Variants in TCF7L2 observed in about 807,000 individuals in gnomAD.
TCF7L2 encodes the protein transcription factor 7-like 2.
In TCF7L2, 23 loss-of-function variants were observed where a neutral mutation model predicts 77.9. The ratio of observed to expected loss-of-function variants is 0.30; its 90% CI spans 0.21 to 0.42. TCF7L2 has a LOEUF of 0.42. Among genes scored for constraint, TCF7L2 ranks in the 10% least tolerant of loss-of-function variants. The pLI, the probability that TCF7L2 is intolerant of heterozygous loss-of-function variation, is 1.00. For missense variants in TCF7L2, 654 were observed against 793.1 expected (o/e 0.82, Z 2.11); for synonymous variants, 413 against 340.2 (o/e 1.21, Z -2.36).
At chr10:113,096,272 G>T (rs1196476654) in intron 5 of TCF7L2, among the ~76,000 whole-genome samples, 4 of 152,306 alleles carry the variant, frequency 2.6e-5, no homozygotes. Context: ...CAGCAAGGTA[G>T]ATGTTTGGAA....
At chr10:113,063,967 A>G (rs2056891521) in intron 5 of TCF7L2, among the ~76,000 whole-genome samples, 2 of 151,718 alleles carry the variant, frequency 1.3e-5, no homozygotes, top group African/African-American at 4.8e-5. Context: ...AAGCAGATTC[A>G]AGGAGGTTCC....
At chr10:113,157,837 T>G in intron 11 of TCF7L2, 184 bp from the exon 12 acceptor site, 1 of 582,724 alleles carries the variant, frequency 1.7e-6, no homozygotes, top group Non-Finnish European at 3.1e-6. Flanking sequence ...TCCCTCCAGC[T>G]GGGGTACAAT....
intron 4 of TCF7L2, among the ~76,000 whole-genome samples, chr10:112,977,445 G>A (rs2039627707): frequency 6.6e-6 from 1 of 152,230 alleles, no homozygotes; most frequent in South Asian, 2.1e-4. Flanking sequence ...GAGCCAGGCT[G>A]CTGGGAGCAG....
intron 4 of TCF7L2, among the ~76,000 whole-genome samples, chr10:113,020,124 A>T (rs1401083790): frequency 1.3e-5 from 2 of 152,120 alleles, no homozygotes; most frequent in Admixed American, 1.3e-4. Context: ...GTGTTGTTTT[A>T]ATTAATGAAT....
At chr10:113,093,820 G>C (rs1022475723) in intron 5 of TCF7L2, among the ~76,000 whole-genome samples, 6 of 152,202 alleles carry the variant, frequency 3.9e-5, no homozygotes, top group Non-Finnish European at 7.3e-5. Flanking sequence ...ATTCAGATAA[G>C]AAGAAAGAGT....
chr10:112,955,817 C>T (rs1408436413), intron 3 of TCF7L2, among the ~76,000 whole-genome samples: 2 of 152,026 alleles, frequency 1.3e-5, no homozygotes, highest in African/African-American at 2.4e-5. Context: ...CGTGCTGGAT[C>T]GCTGCAGTTC....
intron 5 of TCF7L2, among the ~76,000 whole-genome samples, chr10:113,049,916 C>G (rs960344712): frequency 6.6e-6 from 1 of 152,112 alleles, no homozygotes; most frequent in Admixed American, 6.5e-5. Flanking sequence ...AGCAAGTCCC[C>G]GTTCATCAGA....
chr10:113,149,067 G>A (rs2070157589), intron 8 of TCF7L2, among the ~76,000 whole-genome samples: 1 of 152,128 alleles, frequency 6.6e-6, no homozygotes, highest in South Asian at 2.1e-4. Flanking sequence ...TGTATTTGAG[G>A]AATGTCAGGC....
At chr10:113,024,674 C>G (rs1590640311) in intron 4 of TCF7L2, among the ~76,000 whole-genome samples, 1 of 139,452 alleles carries the variant, frequency 7.2e-6, no homozygotes, top group Non-Finnish European at 1.5e-5. Context: ...GGCTGGAATG[C>G]AGTGGTGTGA....
At chr10:112,954,057 A>G (rs956275981) in intron 3 of TCF7L2, among the ~76,000 whole-genome samples, 1 of 152,210 alleles carries the variant, frequency 6.6e-6, no homozygotes, top group African/African-American at 2.4e-5. Flanking sequence ...GTTGTGTGTC[A>G]TTCCTGACGT....
At chr10:112,990,420 C>T (rs2042316176) in intron 4 of TCF7L2, among the ~76,000 whole-genome samples, 1 of 152,132 alleles carries the variant, frequency 6.6e-6, no homozygotes, top group South Asian at 2.1e-4. Flanking sequence ...AAAAAATTAG[C>T]TAGTTGGCCA....
At chr10:113,039,270 G>GT (rs1414462051) in intron 4 of TCF7L2, among the ~76,000 whole-genome samples, 1 of 152,220 alleles carries the variant, frequency 6.6e-6, no homozygotes, top group South Asian at 2.1e-4. Flanking sequence ...TTTGACAGAA[G>GT]TAGCTCCCTT....
At chr10:113,155,438 TC>T (rs2071663006) in intron 11 of TCF7L2, among the ~76,000 whole-genome samples, 1 of 152,200 alleles carries the variant, frequency 6.6e-6, no homozygotes. Flanking sequence ...TGCATCTTCC[TC>T]TTCACTAAGT....
chr10:112,980,321 G>A (rs1265665939), intron 4 of TCF7L2, among the ~76,000 whole-genome samples: 1 of 152,326 alleles, frequency 6.6e-6, no homozygotes, highest in African/African-American at 2.4e-5. Flanking sequence ...TGATGTAATA[G>A]CAAAGCTGAA....
intron 5 of TCF7L2, among the ~76,000 whole-genome samples, chr10:113,049,014 CTG>C (rs1356221600): frequency 6.6e-6 from 1 of 152,182 alleles, no homozygotes. Flanking sequence ...TTGAGGTGTA[CTG>C]GAAACTAAGG....
At chr10:113,051,232 CACACACACACAG>C (rs951934547) in intron 5 of TCF7L2, among the ~76,000 whole-genome samples, 5 of 148,892 alleles carry the variant, frequency 3.4e-5, no homozygotes, top group South Asian at 2.2e-4. Flanking sequence ...CACACACACA[CACACACACACAG>C]ACACATACAT....
chr10:113,075,810 C>G (rs1399783715), intron 5 of TCF7L2, among the ~76,000 whole-genome samples: 2 of 152,078 alleles, frequency 1.3e-5, no homozygotes. Flanking sequence ...TTCCACTTAC[C>G]TAATAGTTTT....
At chr10:112,974,504 C>T (rs1200743079) in intron 4 of TCF7L2, among the ~76,000 whole-genome samples, 6 of 152,156 alleles carry the variant, frequency 3.9e-5, no homozygotes, top group African/African-American at 7.2e-5. Flanking sequence ...AGTGCAGTGG[C>T]GCGATCTCGG....
chr10:112,980,538 C>T lies in TCF7L2; in HGVS notation c.450+15914C>T, dbSNP rs147753337. ...CACGAAGTTCGGAACTAGATTCTTACCCTTAAAATCAAAAACAAACCTCCC... is the reference window on the plus strand; with the variant it reads ...CACGAAGTTCGGAACTAGATTCTTATCCTTAAAATCAAAAACAAACCTCCC... On this transcript the variant is annotated intron_variant, in intron 4 of 13. Transcript: ENST00000627217. 4.5e-3 allele frequency among the ~76,000 whole-genome samples: 691 copies of T among 152,220 alleles called. 9 individuals are homozygous for T. Among genetic ancestry groups the T allele is most frequent in the South Asian group, 0.027 (128 of 4,818 alleles).
Sources: allele counts gnomAD v4.1 joint callset (sites outside exome capture counted in the v4.1 genomes callset), GRCh38; gene constraint gnomAD v4.1.1; transcripts MANE v1.5; gene names NCBI Gene and HGNC (gene_info 2026-07-23, HGNC 2026-07-21).